Variants in VEPH1 observed in about 807,000 individuals in gnomAD.
The protein encoded by VEPH1 is ventricular zone-expressed PH domain-containing protein homolog 1.
A neutral mutation model predicts 85.2 loss-of-function variants in VEPH1; 80 were observed. The observed-to-expected ratio is 0.94, with a 90% CI of 0.78 to 1.13. The LOEUF is 1.13. Ranked by LOEUF, VEPH1 falls within the 50% of genes most tolerant of loss-of-function variation. The pLI, the probability that VEPH1 is intolerant of heterozygous loss-of-function variation, is 0.00. For missense variants in VEPH1, 955 were observed against 980.5 expected (o/e 0.97, Z 0.35); for synonymous variants, 297 against 348.0 (o/e 0.85, Z 1.63).
Position 157,459,984 on chromosome 3 carries a change from C to T in VEPH1, c.529+197G>A. On this transcript the variant is annotated intron_variant, in intron 4 of 13. Transcript: ENST00000362010. ...ATTCTTTTAATGAGTCTAAGTAATT[C>T]ATCTGCCTTGGGAAGGGACACAGAC... 1.9e-6 allele frequency: 3 copies of T among 1,538,716 alleles called. 1 individual carries two copies. In the South Asian group the frequency reaches 3.6e-5, roughly 18 times the overall value.
At chr3:157,331,319 G>T (rs908672487) in intron 9 of VEPH1, among the ~76,000 whole-genome samples, 1 of 152,212 alleles carries the variant, frequency 6.6e-6, no homozygotes, top group Non-Finnish European at 1.5e-5. Flanking sequence ...AGGACAGTGT[G>T]ATTTGAGGTG....
intron 2 of VEPH1, among the ~76,000 whole-genome samples, chr3:157,472,516 T>A (rs1018700368): frequency 1.3e-5 from 2 of 152,040 alleles, no homozygotes; most frequent in African/African-American, 4.8e-5. Flanking sequence ...GCTTCAGAAT[T>A]TTTTTTTAAC....
chr3:157,499,320 C>CA, intron 1 of VEPH1: 1 of 145,882 alleles, frequency 6.9e-6, no homozygotes, highest in South Asian at 2.2e-4. Flanking sequence ...ACAGAAACCA[C>CA]AAAAACAGAA....
intron 4 of VEPH1, chr3:157,437,946 C>T: frequency 1.3e-6 from 2 of 1,524,060 alleles, no homozygotes; most frequent in East Asian, 2.5e-5. Context: ...GGACCTCCCA[C>T]TGCGGCTTTG....
At chr3:157,404,767 G>T (rs1401560351) in intron 6 of VEPH1, among the ~76,000 whole-genome samples, 1 of 152,188 alleles carries the variant, frequency 6.6e-6, no homozygotes, top group Non-Finnish European at 1.5e-5. Context: ...CATAGGCAAA[G>T]AAATGCAAAT....
intron 6 of VEPH1, among the ~76,000 whole-genome samples, chr3:157,394,677 G>A (rs1191955430): frequency 6.6e-6 from 1 of 152,142 alleles, no homozygotes; most frequent in Non-Finnish European, 1.5e-5. Context: ...GAACAAGGGT[G>A]GGAAGGTGCC....
chr3:157,495,143 G>A (rs1325190258), intron 2 of VEPH1, 69 bp downstream of exon 2: 17 of 1,476,206 alleles, frequency 1.2e-5, no homozygotes, highest in Non-Finnish European at 1.6e-5. Context: ...TTTCTGCCAG[G>A]ATATAAACAA....
At chr3:157,431,532 A>T (rs1733150088) in intron 4 of VEPH1, among the ~76,000 whole-genome samples, 1 of 152,106 alleles carries the variant, frequency 6.6e-6, no homozygotes, top group Non-Finnish European at 1.5e-5. Context: ...TAACTGAATA[A>T]TCTAGGATTA....
Position 157,460,178 on chromosome 3 carries a change from T to C in VEPH1, c.529+3A>G, listed in dbSNP as rs1735722352. On this transcript the variant is annotated splice_donor_region_variant and intron_variant, in intron 4 of 13. Coordinates refer to ENST00000362010, the MANE Select transcript of VEPH1 (RefSeq NM_001167912.2). The stretch of plus-strand genomic sequence containing the variant: ...GTCCCCAAGCTCAACTTTCGCACCA[T>C]ACCTTGGAGTATGCTCTTTACTATA... The C allele has an allele frequency of 6.2e-7, 1 of 1,614,212 alleles. No individual in the cohort carries two copies. Among genetic ancestry groups the C allele is most frequent in the Middle Eastern group, 1.6e-4 (1 of 6,062 alleles).
chr3:157,395,167 G>A lies in VEPH1; in HGVS notation c.907-13791C>T, dbSNP rs538504172. Among the ~76,000 whole-genome samples, 28 of 152,294 alleles carry A rather than the reference G, an allele frequency of 1.8e-4. 1 individual carries two copies. Among genetic ancestry groups the A allele is most frequent in the African/African-American group, 4.6e-4 (19 of 41,558 alleles). ...TGCTATGTGTAATACCATGGCAGTC[G>A]ACAAGGCAGTTCTGCAAGTCCATGG... On this transcript the variant is annotated intron_variant, in intron 6 of 13. Transcript: ENST00000362010.
intron 7 of VEPH1, 120 bp from the exon 8 acceptor site, chr3:157,364,632 T>C (rs1046794144): frequency 2.8e-5 from 26 of 944,834 alleles, no homozygotes; most frequent in Middle Eastern, 3.4e-4. Flanking sequence ...ATTTTTTTCA[T>C]TGGTCATTTA....
At chr3:157,282,578 A>G (rs1227262529) in intron 12 of VEPH1, among the ~76,000 whole-genome samples, 1 of 152,202 alleles carries the variant, frequency 6.6e-6, no homozygotes, top group Non-Finnish European at 1.5e-5. Context: ...AGGAGTGCCA[A>G]AACTCTAAGT....
rs1577631861 is a variant in VEPH1 at position 157,428,356 on chromosome 3, A to C, written c.662T>G (p.Leu221Arg). The change falls in exon 5 of 14, where the codon CTT becomes CGT. Residue 221 changes from leucine to arginine, a missense_variant. Leu to Arg is a moderately radical substitution (Grantham distance 102, BLOSUM62 -2). Transcript: ENST00000362010. The stretch of plus-strand genomic sequence containing the variant: ...TTTTTTCTTTGCTGCTACATGCAAA[A>C]GCCGTAGTAGATGGTACTGTTCTGG... ...EQPEQYHLLR[L>R]LHVAAKKKQL... 2 of 1,614,040 alleles carry C rather than the reference A, an allele frequency of 1.2e-6. No homozygotes were observed. Among genetic ancestry groups the C allele is most frequent in the Non-Finnish European group, 8.5e-7 (1 of 1,180,014 alleles).
intron 2 of VEPH1, among the ~76,000 whole-genome samples, chr3:157,487,653 T>C (rs1414343788): frequency 2.0e-5 from 3 of 152,148 alleles, no homozygotes; most frequent in South Asian, 2.1e-4. Flanking sequence ...TATATAAGCA[T>C]AGTTCTAAAA....
At chr3:157,350,273 T>C (rs368498296) in intron 9 of VEPH1, among the ~76,000 whole-genome samples, 15 of 152,180 alleles carry the variant, frequency 9.9e-5, no homozygotes, top group East Asian at 7.7e-4. Flanking sequence ...GGAAAAAGGA[T>C]AGTCTCTTCA....
chr3:157,381,432 A>T (rs749404991), intron 6 of VEPH1, 56 bp from the exon 7 acceptor site: 2 of 1,566,458 alleles, frequency 1.3e-6, no homozygotes, highest in Non-Finnish European at 1.8e-6. Flanking sequence ...TCATCCAGGC[A>T]TGGTGGTCAT....
chr3:157,325,948 T>C (rs1032916146), intron 9 of VEPH1, among the ~76,000 whole-genome samples: 9 of 152,234 alleles, frequency 5.9e-5, no homozygotes, highest in African/African-American at 2.2e-4. Context: ...ATGATATTGA[T>C]TTTTCCTATC....
intron 11 of VEPH1, among the ~76,000 whole-genome samples, chr3:157,291,432 A>G (rs866330623): frequency 6.6e-6 from 1 of 152,342 alleles, no homozygotes; most frequent in Middle Eastern, 3.4e-3. Context: ...TTTAAAGAAT[A>G]TCCATGCCAC....
At chr3:157,335,237 GAA>G (rs59720322) in intron 9 of VEPH1, among the ~76,000 whole-genome samples, 3 of 142,846 alleles carry the variant, frequency 2.1e-5, no homozygotes, top group South Asian at 2.2e-4. Context: ...ACATCTCTAT[GAA>G]AAAAAAAAAA....
Sources: allele counts gnomAD v4.1 joint callset (sites outside exome capture counted in the v4.1 genomes callset), GRCh38; gene constraint gnomAD v4.1.1; transcripts MANE v1.5; gene names NCBI Gene and HGNC (gene_info 2026-07-23, HGNC 2026-07-21).